The following EYA1 variants were observed in gnomAD, a reference collection of about 807,000 sequenced individuals.
EYA1 encodes EYA transcriptional coactivator and phosphatase 1.
EYA1 carries 16 observed loss-of-function variants against 82.0 expected under a neutral mutation model. The ratio of observed to expected loss-of-function variants is 0.20; its 90% CI spans 0.13 to 0.30. EYA1 has a LOEUF of 0.30. Among genes scored for constraint, EYA1 ranks in the 10% least tolerant of loss-of-function variants. The pLI is 1.00. For missense variants in EYA1, 633 were observed against 730.7 expected, an observed-to-expected ratio of 0.87 and a Z score of 1.54; for synonymous variants, 261 against 264.4, an observed-to-expected ratio of 0.99 and a Z score of 0.12.
chr8:71,512,017 TTGTCATGATCAAATGATATGCATTA>T (rs1365959486), intron 2 of EYA1, among the ~76,000 whole-genome samples: 5 of 103,564 alleles, frequency 4.8e-5, no homozygotes, highest in African/African-American at 2.0e-4. Context: ...TCATATTTTG[TTGTCATGATCAAATGATATGCATTA>T]TGTCATGATC....
chr8:71,480,275 T>G (rs892938491), intron 2 of EYA1, among the ~76,000 whole-genome samples: 39 of 152,310 alleles, frequency 2.6e-4, no homozygotes, highest in African/African-American at 9.4e-4. Context: ...TATTAAAATG[T>G]TCATTTCGAA....
At chr8:71,388,487 A>G (rs1433084622) in intron 2 of EYA1, among the ~76,000 whole-genome samples, 1 of 152,226 alleles carries the variant, frequency 6.6e-6, no homozygotes, top group Non-Finnish European at 1.5e-5. Flanking sequence ...GGTGCTTATT[A>G]TCATGATGGC....
intron 11 of EYA1, among the ~76,000 whole-genome samples, chr8:71,255,920 G>A (rs957672979): frequency 6.6e-6 from 1 of 152,058 alleles, no homozygotes; most frequent in African/African-American, 2.4e-5. Flanking sequence ...CTCTAAAGAA[G>A]TTATACAAAT....
At chr8:71,338,760 G>A (rs1003703293) in intron 3 of EYA1, among the ~76,000 whole-genome samples, 4 of 152,184 alleles carry the variant, frequency 2.6e-5, no homozygotes, top group Non-Finnish European at 5.9e-5. Context: ...GCTGGACTAG[G>A]AGCCAGCCTG....
At chr8:71,250,037 G>T (rs1421203244) in intron 11 of EYA1, among the ~76,000 whole-genome samples, 25 of 141,978 alleles carry the variant, frequency 1.8e-4, no homozygotes, top group Non-Finnish European at 3.1e-4. Context: ...TTGCTTTCTT[G>T]TTTTTTTTTT....
chr8:71,203,050 T>C (rs1277095198), intron 17 of EYA1, among the ~76,000 whole-genome samples: 1 of 152,206 alleles, frequency 6.6e-6, no homozygotes, highest in African/African-American at 2.4e-5. Context: ...CAAACATTTC[T>C]TGTATGAAAT....
At position 71,437,505 on chromosome 8, in the gene EYA1, T is replaced by C. The variant is rs527245004; in HGVS notation, c.34-80994A>G. ...TTCTATGGGATTAAATAATGTCATA[T>C]GCATTATTTGACATGTACACAGCTT... On this transcript the variant is annotated intron_variant, in intron 2 of 18. Transcript: ENST00000643681. 2.6e-3 allele frequency among the ~76,000 whole-genome samples: 396 copies of C among 152,162 alleles called. 2 individuals carry two copies. The highest frequency in any genetic ancestry group is 3.8e-3 in the Non-Finnish European group (259 of 67,960).
intron 9 of EYA1, among the ~76,000 whole-genome samples, chr8:71,278,952 G>C (rs918352023): frequency 1.3e-5 from 2 of 152,192 alleles, no homozygotes; most frequent in African/African-American, 4.8e-5. Context: ...TGAGGTGAAA[G>C]ACTACTCTCC....
chr8:71,447,840 G>A (rs1807012465), intron 2 of EYA1, among the ~76,000 whole-genome samples: 1 of 152,134 alleles, frequency 6.6e-6, no homozygotes, highest in African/African-American at 2.4e-5. Context: ...TGGCTGTGAA[G>A]TCTTGCCCCA....
chr8:71,369,189 C>A (rs1209988457), intron 2 of EYA1, among the ~76,000 whole-genome samples: 2 of 133,040 alleles, frequency 1.5e-5, no homozygotes, highest in Non-Finnish European at 3.1e-5. Flanking sequence ...GGCAACAGAG[C>A]GAGACTCCGT....
intron 1 of EYA1, 30 bp from the exon 2 acceptor site, chr8:71,356,541 TG>T: frequency 3.2e-6 from 5 of 1,553,756 alleles, no homozygotes; most frequent in Non-Finnish European, 4.4e-6. Flanking sequence ...AATTAGAAGA[TG>T]TTGTTACTCT....
intron 2 of EYA1, among the ~76,000 whole-genome samples, chr8:71,420,061 A>C (rs1831060696): frequency 6.6e-6 from 1 of 152,156 alleles, no homozygotes; most frequent in African/African-American, 2.4e-5. Context: ...TGATGGACTG[A>C]AAAATGTTTA....
chr8:71,231,915 TAC>T (rs927227618), intron 12 of EYA1, among the ~76,000 whole-genome samples: 91 of 152,168 alleles, frequency 6.0e-4, no homozygotes, highest in African/African-American at 2.1e-3. Context: ...TTTCAAAGAA[TAC>T]AGTCAAGAAA....
At chr8:71,380,676 A>G (rs143318941) in intron 2 of EYA1, among the ~76,000 whole-genome samples, 1 of 152,338 alleles carries the variant, frequency 6.6e-6, no homozygotes, top group Non-Finnish European at 1.5e-5. Context: ...CATCCCTGTT[A>G]GTGTAGCCAA....
intron 2 of EYA1, among the ~76,000 whole-genome samples, chr8:71,486,007 G>C (rs1810543155): frequency 6.6e-6 from 1 of 152,184 alleles, no homozygotes; most frequent in Non-Finnish European, 1.5e-5. Flanking sequence ...CAGAAATAGA[G>C]TTTAATTAGC....
chr8:71,253,573 C>A lies in EYA1; in HGVS notation c.1051-8881G>T, dbSNP rs187831188. ...TCTCTAATAAATATTTATTCTTACA[C>A]TGAGACAAAGAAACTACCCGTAGAG... On this transcript the variant is annotated intron_variant, in intron 11 of 17. Coordinates refer to ENST00000340726, the MANE Select transcript of EYA1 (RefSeq NM_000503.6). Among the ~76,000 whole-genome samples the A allele has an allele frequency of 1.4e-4, 21 of 152,228 alleles. No individual in the cohort carries two copies. The East Asian group carries it at 3.7e-3, about 27-fold the overall frequency.
At chr8:71,379,762 A>AG (rs1828587533) in intron 2 of EYA1, among the ~76,000 whole-genome samples, 1 of 152,204 alleles carries the variant, frequency 6.6e-6, no homozygotes, top group Non-Finnish European at 1.5e-5. Context: ...CATAGATTTT[A>AG]GGTGAAGTTC....
At chr8:71,276,389 C>T (rs908356222) in intron 9 of EYA1, among the ~76,000 whole-genome samples, 3 of 152,106 alleles carry the variant, frequency 2.0e-5, no homozygotes, top group Non-Finnish European at 4.4e-5. Context: ...TAAAGCTTTA[C>T]CTTTTGATCT....
intron 2 of EYA1, among the ~76,000 whole-genome samples, chr8:71,431,828 C>T (rs1586704590): frequency 6.6e-6 from 1 of 152,294 alleles, no homozygotes; most frequent in East Asian, 1.9e-4. Flanking sequence ...TATTACTTTG[C>T]ATATTTCATC....
Sources: gnomAD v4.1 joint callset for allele counts (sites outside exome capture counted in the v4.1 genomes callset) on GRCh38, gnomAD v4.1.1 for gene constraint, MANE v1.5 for transcripts, NCBI Gene and HGNC (gene_info 2026-07-23, HGNC 2026-07-21) for gene names.